B9D1: variants seen among roughly 807,000 people sequenced by gnomAD.
The protein encoded by B9D1 is B9 domain-containing protein 1.
A neutral mutation model predicts 26.1 loss-of-function variants in B9D1; 20 were observed. The observed-to-expected ratio is 0.77, with a 90% CI of 0.54 to 1.12. The LOEUF (loss-of-function observed/expected upper bound fraction) is 1.12, where lower values mean the gene tolerates loss of function less well. B9D1 is among the 50% of genes most tolerant of loss of function. The pLI is 0.00. For synonymous variants in B9D1, 105 were observed against 103.1 expected (o/e 1.02, Z -0.11); for missense variants, 260 against 273.7 (o/e 0.95, Z 0.35).
rs987325796 is a variant in B9D1 at position 19,344,495 on chromosome 17, T to C, written c.405-638A>G. 19 of 274,294 alleles carry C rather than the reference T, an allele frequency of 6.9e-5. No individual in the cohort carries two copies. The East Asian group carries it at 1.5e-3, about 22-fold the overall frequency. 17.0% of individuals were successfully genotyped at this position (274,294 alleles called of 1,614,324 possible). On this transcript the variant is annotated intron_variant, in intron 5 of 6. Transcript: ENST00000261499. The stretch of plus-strand genomic sequence containing the variant: ...AGGCGGGAGGCCAGGAGGCCGGGGG[T>C]GTCAGGCCCCGCCGCCGACACACCC...
chr17:19,345,568 CAAGG>C (rs986739905), intron 5 of B9D1, among the ~76,000 whole-genome samples: 1 of 152,172 alleles, frequency 6.6e-6, no homozygotes, highest in Admixed American at 6.5e-5. Context: ...GGCCACAAGC[CAAGG>C]AAGGCTGGGG....
intron 2 of B9D1, among the ~76,000 whole-genome samples, chr17:19,360,064 T>C (rs1359786201): frequency 6.6e-6 from 1 of 152,134 alleles, no homozygotes; most frequent in African/African-American, 2.4e-5. Flanking sequence ...TGCCTCCTAC[T>C]GCAGGTGTTG....
chr17:19,357,344 A>G (rs1910482941), intron 3 of B9D1, among the ~76,000 whole-genome samples: 1 of 152,256 alleles, frequency 6.6e-6, no homozygotes, highest in Non-Finnish European at 1.5e-5. Context: ...AAGCAATGCC[A>G]GCCAGGAAGC....
chr17:19,377,895 G>A (rs998897902), exon 1 of B9D1: 13 of 985,444 alleles, frequency 1.3e-5, no homozygotes, highest in South Asian at 4.7e-5. Flanking sequence ...AGTCCAACTT[G>A]GCCGGAAGCT....
intron 5 of B9D1, 76 bp from the exon 6 acceptor site, chr17:19,343,933 C>G: frequency 6.2e-7 from 1 of 1,601,166 alleles, no homozygotes; most frequent in Non-Finnish European, 8.5e-7. Flanking sequence ...TGGATGTGGG[C>G]TCTCCTCGGT....
At chr17:19,376,494 C>G (rs1912107424) in intron 1 of B9D1, among the ~76,000 whole-genome samples, 1 of 151,974 alleles carries the variant, frequency 6.6e-6, no homozygotes, top group Admixed American at 6.6e-5. Context: ...GTCTCCTGGC[C>G]AGGTGCAGTG....
chr17:19,367,131 G>A (rs1911632182), upstream of B9D1, among the ~76,000 whole-genome samples: 3 of 152,102 alleles, frequency 2.0e-5, no homozygotes, highest in South Asian at 6.2e-4. Flanking sequence ...CATTGCCAGT[G>A]ACGGTAGATA....
downstream of B9D1, among the ~76,000 whole-genome samples, chr17:19,338,466 A>T (rs1907642524): frequency 1.3e-5 from 2 of 152,206 alleles, no homozygotes. Flanking sequence ...CAATCTTTGT[A>T]CTTCTAATCA....
At chr17:19,374,031 C>T (rs1004828493) in intron 1 of B9D1, among the ~76,000 whole-genome samples, 4 of 152,206 alleles carry the variant, frequency 2.6e-5, no homozygotes, top group African/African-American at 4.8e-5. Context: ...ATGCAGGAAA[C>T]GTGAGCCAAG....
downstream of B9D1, chr17:19,335,613 A>C: frequency 9.8e-4 from 455 of 462,740 alleles, no homozygotes; most frequent in East Asian, 2.1e-3. Context: ...CTAGGCTAAG[A>C]CAGGGGTGGG....
chr17:19,335,562 G>C, downstream of B9D1: 1 of 1,332,158 alleles, frequency 7.5e-7, no homozygotes, highest in Non-Finnish European at 1.0e-6. Flanking sequence ...GGCGTGGGGT[G>C]GGGGGTGCTT....
At chr17:19,356,792 A>G (rs888905840) in intron 3 of B9D1, among the ~76,000 whole-genome samples, 13 of 152,152 alleles carry the variant, frequency 8.5e-5, no homozygotes, top group Admixed American at 7.2e-4. Flanking sequence ...TAGCTCTCTG[A>G]TGCCTCTGAG....
intron 1 of B9D1, chr17:19,371,113 G>A (rs1911870928): frequency 6.6e-6 from 1 of 152,402 alleles, no homozygotes; most frequent in Admixed American, 6.5e-5. Context: ...GGTGGCCCTG[G>A]CCACTGTGTG....
upstream of B9D1, chr17:19,362,760 G>C: frequency 2.0e-6 from 3 of 1,492,156 alleles, no homozygotes; most frequent in Non-Finnish European, 2.7e-6. Context: ...TAAGGGGGCG[G>C]GGCACAAGGG....
rs780301518 is a variant in B9D1, at chr17:19,347,190, G to A, written c.404+79C>T. On this transcript the variant is annotated intron_variant, in intron 5 of 6. Coordinates refer to ENST00000261499, the MANE Select transcript of B9D1 (RefSeq NM_015681.6). This position sits in a 1 kb window ranked among gnomAD's most constrained non-coding sequence, Gnocchi z 4.3. ...CTTGCAGATCTGAGGAGGCGACCAG[G>A]CACAAACTGAGGGGTAGAATGGGAC... is the stretch of plus-strand genomic sequence containing the variant. The A allele has an allele frequency of 1.2e-6, 2 of 1,614,008 alleles. No homozygotes were observed. The highest frequency in any genetic ancestry group is 1.7e-5 in the Admixed American group (1 of 60,006).
intron 2 of B9D1, among the ~76,000 whole-genome samples, chr17:19,358,703 G>A (rs565324954): frequency 1.1e-4 from 16 of 152,234 alleles, no homozygotes; most frequent in Non-Finnish European, 2.1e-4. Flanking sequence ...CAGTGTTGCC[G>A]TCCTAAGGCT....
chr17:19,338,585 TGACTAGA>T (rs1210141032), downstream of B9D1, among the ~76,000 whole-genome samples: 1 of 152,382 alleles, frequency 6.6e-6, no homozygotes, highest in East Asian at 1.9e-4. Context: ...CGTGGCCATA[TGACTAGA>T]TGGGGCCAGT....
intron 1 of B9D1, chr17:19,377,744 C>T: frequency 3.8e-6 from 3 of 794,186 alleles, no homozygotes; most frequent in Non-Finnish European, 4.6e-6. Flanking sequence ...AGCGAGGGCT[C>T]CGCCCACCCG....
chr17:19,365,852 T>G (rs1288482593), upstream of B9D1, among the ~76,000 whole-genome samples: 2 of 152,174 alleles, frequency 1.3e-5, no homozygotes, highest in Non-Finnish European at 2.9e-5. The surrounding 1 kb of genome is among the most constrained non-coding windows in gnomAD (Gnocchi z 5.0). Context: ...TATTCTTTTT[T>G]TTTTTTTAAT....
Sources: allele counts gnomAD v4.1 joint callset (sites outside exome capture counted in the v4.1 genomes callset), GRCh38; gene constraint gnomAD v4.1.1; non-coding constraint Gnocchi (gnomAD v3.1); transcripts MANE v1.5; gene names NCBI Gene and HGNC (gene_info 2026-07-23, HGNC 2026-07-21).